The following SRGAP2 variants were observed in gnomAD, a reference collection of about 807,000 sequenced individuals.
SRGAP2 encodes SLIT-ROBO Rho GTPase activating protein 2.
SRGAP2 carries 15 observed loss-of-function variants against 57.2 expected under a neutral mutation model. The ratio of observed to expected loss-of-function variants is 0.26; its 90% confidence interval spans 0.18 to 0.40. The LOEUF is 0.40. Ranked by LOEUF, SRGAP2 falls within the 10% of genes least tolerant of loss-of-function variation. SRGAP2 has a pLI of 1.00. For synonymous variants in SRGAP2, 249 were observed against 248.0 expected (o/e 1.00, Z -0.04); for missense variants, 520 against 669.6 (o/e 0.78, Z 2.47).
intron 18 of SRGAP2, among the ~76,000 whole-genome samples, chr1:206,448,072 G>T (rs1367981199): frequency 1.3e-5 from 2 of 152,172 alleles, no homozygotes; most frequent in Non-Finnish European, 2.9e-5. Context: ...CTAACCGCTG[G>T]ATTCACACCC....
At chr1:206,284,994 G>A (rs1670941146) in intron 2 of SRGAP2, among the ~76,000 whole-genome samples, 1 of 151,790 alleles carries the variant, frequency 6.6e-6, no homozygotes, top group Admixed American at 6.6e-5. Context: ...AAACAATAAG[G>A]TTGTTGATTT....
chr1:206,425,178 C>G (rs1303423153), intron 13 of SRGAP2, among the ~76,000 whole-genome samples: 1 of 152,054 alleles, frequency 6.6e-6, no homozygotes, highest in Admixed American at 6.6e-5. Flanking sequence ...CTAGGACCAA[C>G]AAAACTATGC....
intron 13 of SRGAP2, among the ~76,000 whole-genome samples, chr1:206,425,833 C>T (rs181443141): frequency 1.4e-4 from 22 of 151,814 alleles, no homozygotes; most frequent in Non-Finnish European, 2.9e-5. Context: ...CTGCACCCTG[C>T]CCAACCTCAC....
At chr1:206,253,501 C>A (rs879980442) in intron 2 of SRGAP2, among the ~76,000 whole-genome samples, 30 of 151,682 alleles carry the variant, frequency 2.0e-4, no homozygotes, top group Admixed American at 1.9e-3. Flanking sequence ...GTAAGAAATT[C>A]TTTTCTTCTT....
intron 16 of SRGAP2, 54 bp from the exon 17 acceptor site, chr1:206,439,922 C>T: frequency 1.3e-6 from 1 of 764,636 alleles, no homozygotes; most frequent in Non-Finnish European, 2.4e-6. Context: ...CTGATCATTA[C>T]TGCCTGGGAT....
chr1:206,453,380 C>T lies in SRGAP2; in HGVS notation c.2360C>T (p.Thr787Ile), dbSNP rs782551475. The T allele has an allele frequency of 5.7e-5, 38 of 668,550 alleles. 1 individual carries two copies. The highest frequency in any genetic ancestry group is 3.8e-4 in the South Asian group (23 of 60,038). The allele number at this position is 668,550 out of a possible 1,614,324, so 41.4% of individuals were successfully genotyped here. Reference protein sequence around the residue: ...IPHQYIVVQDTEDGVVERSSP... With the variant: ...IPHQYIVVQDIEDGVVERSSP... ...CATCAGTACATCGTGGTCCAAGACA[C>T]GTACGTTGGGCCCATGGCATCTTTG... The change falls in exon 20 of 23, where the codon ACC (threonine) becomes ATC (isoleucine). Residue 787 changes from threonine to isoleucine, a missense_variant and splice_region_variant. By Grantham distance (89) the Thr-to-Ile change is moderately conservative. This residue lies in a region of SRGAP2 where 478 missense variants were observed against 373.6 expected (regional missense o/e 1.28). Transcript: ENST00000573034.
intron 22 of SRGAP2, among the ~76,000 whole-genome samples, chr1:206,459,333 A>G (rs1280998864): frequency 6.6e-6 from 1 of 152,192 alleles, no homozygotes; most frequent in Non-Finnish European, 1.5e-5. Flanking sequence ...CCACATGTTT[A>G]TATTGCTGTG....
At chr1:206,451,115 TAA>T (rs67862340) in intron 19 of SRGAP2, among the ~76,000 whole-genome samples, 8 of 69,244 alleles carry the variant, frequency 1.2e-4, no homozygotes, top group East Asian at 3.9e-4. Context: ...AGACCCTGTC[TAA>T]AAAAAAAAAA....
chr1:206,309,044 C>G (rs1431409521), intron 3 of SRGAP2, among the ~76,000 whole-genome samples: 1 of 141,122 alleles, frequency 7.1e-6, no homozygotes, highest in East Asian at 2.0e-4. Context: ...TGGTGATGCA[C>G]GCCTGTAGTC....
In SRGAP2 at chr1:206,333,213, G is replaced by A. The variant is rs1324093825; in HGVS notation, c.261-9633G>A. On this transcript the variant is annotated intron_variant, in intron 3 of 22. Transcript: ENST00000573034. ...TGGGAGAACCACTGCTCTCTTCAAAGCTCAGATGGAAATGCAGAAATCACC... is the reference window on the plus strand; with the variant it reads ...TGGGAGAACCACTGCTCTCTTCAAAACTCAGATGGAAATGCAGAAATCACC... 13 of 589,144 alleles carry A rather than the reference G, an allele frequency of 2.2e-5. No homozygotes were observed. In the East Asian group the frequency reaches 4.3e-4, roughly 19 times the overall value. The allele number at this position is 589,144 out of a possible 1,614,324, so 36.5% of individuals were successfully genotyped here.
At chr1:206,322,628 A>C (rs1208370267) in intron 3 of SRGAP2, among the ~76,000 whole-genome samples, 1 of 142,338 alleles carries the variant, frequency 7.0e-6, no homozygotes, top group Non-Finnish European at 1.5e-5. Context: ...CTGAAAAAGA[A>C]GACTACTGAC....
chr1:206,243,319 C>G (rs1553309585), intron 2 of SRGAP2, among the ~76,000 whole-genome samples: 1 of 129,890 alleles, frequency 7.7e-6, no homozygotes, highest in Non-Finnish European at 1.6e-5. Context: ...AACCACTACT[C>G]TGTACCCGTT....
intron 2 of SRGAP2, among the ~76,000 whole-genome samples, chr1:206,249,331 T>C (rs1668695208): frequency 6.6e-6 from 1 of 152,086 alleles, no homozygotes; most frequent in African/African-American, 2.4e-5. Flanking sequence ...AACAAAGACT[T>C]GGAACCAACC....
chr1:206,331,509 A>G (rs1674353229), intron 3 of SRGAP2, among the ~76,000 whole-genome samples: 1 of 148,530 alleles, frequency 6.7e-6, no homozygotes, highest in Non-Finnish European at 1.5e-5. Context: ...GGGTGCATAT[A>G]TATTTAGGAT....
At chr1:206,456,308 T>C (rs1663826837) in intron 21 of SRGAP2, 1 of 152,142 alleles carries the variant, frequency 6.6e-6, no homozygotes, top group African/African-American at 2.4e-5. Flanking sequence ...TATAATTTAA[T>C]TCAGACCAGT....
chr1:206,438,887 G>T (rs1662017832), intron 16 of SRGAP2, among the ~76,000 whole-genome samples: 1 of 152,200 alleles, frequency 6.6e-6, no homozygotes, highest in Non-Finnish European at 1.5e-5. Context: ...CTCAGTATCT[G>T]CCCTGAGTAC....
intron 10 of SRGAP2, among the ~76,000 whole-genome samples, chr1:206,410,277 G>T (rs1167572712): frequency 6.6e-6 from 1 of 152,162 alleles, no homozygotes; most frequent in Non-Finnish European, 1.5e-5. Context: ...CCTCTTATTT[G>T]CCCTCAGTGG....
At chr1:206,323,495 C>G (rs1365620943) in intron 3 of SRGAP2, among the ~76,000 whole-genome samples, 1 of 149,442 alleles carries the variant, frequency 6.7e-6, no homozygotes, top group Non-Finnish European at 1.5e-5. Context: ...TTGCCAGTTT[C>G]TCCTAAGCCT....
intron 2 of SRGAP2, among the ~76,000 whole-genome samples, chr1:206,210,277 TAC>T (rs1666230812): frequency 7.0e-6 from 1 of 142,300 alleles, no homozygotes; most frequent in Admixed American, 7.0e-5. Flanking sequence ...CTTGAGTTTT[TAC>T]AGTCTCCCAG....
Sources: gnomAD v4.1 joint callset for allele counts (sites outside exome capture counted in the v4.1 genomes callset) on GRCh38, gnomAD v4.1.1 for gene constraint, gnomAD v4.1.1 regional missense constraint, MANE v1.5 for transcripts, NCBI Gene and HGNC (gene_info 2026-07-23, HGNC 2026-07-21) for gene names.